Variants in ASCL5 observed in about 807,000 individuals in gnomAD.
ASCL5 encodes achaete-scute homolog 5.
For missense variants in ASCL5, 262 were observed against 268.9 expected, an observed-to-expected ratio of 0.97 and a Z score of 0.18; for synonymous variants, 124 against 131.5, an observed-to-expected ratio of 0.94 and a Z score of 0.39.
At chr1:201,124,680 G>A (rs971653554) in intron 1 of ASCL5, among the ~76,000 whole-genome samples, 6 of 152,236 alleles carry the variant, frequency 3.9e-5, no homozygotes, top group Non-Finnish European at 7.3e-5. Flanking sequence ...GACTGCAGCT[G>A]CAGGGCTGGA....
intron 1 of ASCL5, among the ~76,000 whole-genome samples, chr1:201,125,688 C>A (rs1663566457): frequency 6.6e-6 from 1 of 152,146 alleles, no homozygotes; most frequent in Non-Finnish European, 1.5e-5. Context: ...CCTTGAAGGG[C>A]AGGAACCTCA....
chr1:201,115,112 C>T lies in ASCL5; in HGVS notation c.261G>A (p.Lys87=). 8.1e-7 allele frequency: 1 copy of T among 1,231,782 alleles called. No homozygotes were observed. The highest frequency in any genetic ancestry group is 1.0e-6 in the Non-Finnish European group (1 of 988,016). 76.3% of individuals were successfully genotyped at this position (1,231,782 alleles called of 1,614,324 possible). The part of the protein sequence containing the change: ...EYPFEPAFIQ[K]RNERERQRVK... ...CTCGCTGCCTCTCGCGCTCGTTGCG[C>T]TTCTGGATGAAGGCTGGCTCGAAGG... The change falls in exon 2 of 2, where the codon AAG becomes AAA. Residue 87 remains lysine, a synonymous_variant. Coordinates refer to ENST00000449188, the MANE Select transcript of ASCL5 (RefSeq NM_001270601.2).
chr1:201,125,583 C>T (rs747552960), intron 1 of ASCL5, among the ~76,000 whole-genome samples: 3 of 152,104 alleles, frequency 2.0e-5, no homozygotes, highest in Admixed American at 1.3e-4. Context: ...AGCCTTGGTG[C>T]GTTGCTCTCA....
intron 1 of ASCL5, among the ~76,000 whole-genome samples, chr1:201,116,441 C>T (rs1310811971): frequency 6.6e-6 from 1 of 152,190 alleles, no homozygotes; most frequent in Non-Finnish European, 1.5e-5. Context: ...TCCCTGTGGT[C>T]TGGGATACAC....
chr1:201,123,278 G>A (rs567199008), intron 1 of ASCL5, among the ~76,000 whole-genome samples: 2 of 152,160 alleles, frequency 1.3e-5, no homozygotes, highest in South Asian at 2.1e-4. Context: ...GTGTTCTATC[G>A]CCTGTCAATC....
At chr1:201,117,810 G>T (rs1663376184) in intron 1 of ASCL5, among the ~76,000 whole-genome samples, 1 of 152,226 alleles carries the variant, frequency 6.6e-6, no homozygotes, top group Non-Finnish European at 1.5e-5. Context: ...CAACCAGAAT[G>T]TAAGCAGTCG....
intron 1 of ASCL5, among the ~76,000 whole-genome samples, chr1:201,116,892 T>C (rs1213492659): frequency 6.6e-6 from 1 of 152,150 alleles, no homozygotes; most frequent in Non-Finnish European, 1.5e-5. Context: ...GAGTGAGTGA[T>C]GGGCAGCATG....
chr1:201,122,939 A>C (rs146117516), intron 1 of ASCL5, among the ~76,000 whole-genome samples: 101 of 152,340 alleles, frequency 6.6e-4, no homozygotes, highest in African/African-American at 2.4e-3. Context: ...GTTACTGTAA[A>C]GACAAAGGTA....
chr1:201,115,083 T>G lies in ASCL5; in HGVS notation c.290A>C (p.Lys97Thr). 8.1e-7 allele frequency: 1 copy of G among 1,231,898 alleles called. No homozygotes were observed. Among genetic ancestry groups the G allele is most frequent in the Non-Finnish European group, 1.0e-6 (1 of 988,120 alleles). The allele number at this position is 1,231,898 out of a possible 1,614,324, so 76.3% of individuals were successfully genotyped here. A position where few individuals can be genotyped will look rare whatever the true frequency, so the allele number is the denominator to read the frequency against. Residue 97 changes from lysine (K) to threonine (T), a missense_variant, in exon 2 of 2, where the codon AAG becomes ACG. Lys to Thr is a moderately conservative substitution (Grantham distance 78). Coordinates refer to ENST00000449188, the MANE Select transcript of ASCL5 (RefSeq NM_001270601.2). Reference sequence around the variant, plus strand: ...GCGAGCGTAGCCCTCGTTGACGCACTTGACTCGCTGCCTCTCGCGCTCGTT... The same window carrying G: ...GCGAGCGTAGCCCTCGTTGACGCACGTGACTCGCTGCCTCTCGCGCTCGTT... The part of the protein sequence containing the change: ...KRNERERQRV[K>T]CVNEGYARLR...
chr1:201,121,797 C>T (rs1663468364), intron 1 of ASCL5, among the ~76,000 whole-genome samples: 1 of 151,680 alleles, frequency 6.6e-6, no homozygotes, highest in Admixed American at 6.6e-5. Flanking sequence ...CAGCACTGCA[C>T]CCAGCTGGGT....
At chr1:201,119,190 G>A (rs1277268564) in intron 1 of ASCL5, among the ~76,000 whole-genome samples, 1 of 152,192 alleles carries the variant, frequency 6.6e-6, no homozygotes, top group Admixed American at 6.5e-5. Flanking sequence ...CATCTTTTGG[G>A]AGGGTAGCAC....
chr1:201,124,458 C>A (rs998959937), intron 1 of ASCL5, among the ~76,000 whole-genome samples: 1 of 152,222 alleles, frequency 6.6e-6, no homozygotes, highest in Non-Finnish European at 1.5e-5. Flanking sequence ...CCCTGGGGCC[C>A]ATATTATTGC....
chr1:201,117,204 G>A (rs1663367285), intron 1 of ASCL5, among the ~76,000 whole-genome samples: 1 of 152,202 alleles, frequency 6.6e-6, no homozygotes, highest in Non-Finnish European at 1.5e-5. Flanking sequence ...GGGAGGCTGA[G>A]GTGGGCAGAT....
Position 201,114,071 on chromosome 1 carries a change from C to G in ASCL5, c.*681G>C, listed in dbSNP as rs1463802898. 2.0e-5 allele frequency: 3 copies of G among 152,236 alleles called. No individual in the cohort carries two copies. Among genetic ancestry groups the G allele is most frequent in the Non-Finnish European group, 4.4e-5 (3 of 68,086 alleles). 9.4% of individuals were successfully genotyped at this position (152,236 alleles called of 1,614,324 possible). A position where few individuals can be genotyped will look rare whatever the true frequency, so the allele number is the denominator to read the frequency against. On this transcript the variant is annotated 3_prime_UTR_variant, in exon 2 of 2. Transcript: ENST00000449188. The stretch of plus-strand genomic sequence containing the variant: ...AGGGAAAAAAACCACAGTCCCCACC[C>G]AACCTGGGACAAAACTAGACGACCT...
At chr1:201,119,470 C>G (rs1350139788) in intron 1 of ASCL5, among the ~76,000 whole-genome samples, 1 of 152,110 alleles carries the variant, frequency 6.6e-6, no homozygotes, top group African/African-American at 2.4e-5. Flanking sequence ...GCATCCCGAC[C>G]CCACGGGTGT....
Position 201,114,471 on chromosome 1 carries a change from C to T in ASCL5, c.*281G>A, listed in dbSNP as rs1663286659. 1.4e-5 allele frequency: 4 copies of T among 292,586 alleles called. No individual in the cohort carries two copies. In the Admixed American group the frequency reaches 1.6e-4, roughly 11 times the overall value. 18.1% of individuals were successfully genotyped at this position (292,586 alleles called of 1,614,324 possible). A position where few individuals can be genotyped will look rare whatever the true frequency, so the allele number is the denominator to read the frequency against. On this transcript the variant is annotated 3_prime_UTR_variant, in exon 2 of 2. Transcript: ENST00000449188. ...GACCGTCCTGGGGAGCCCCTCTGCA[C>T]CCCGGAGGGGACGCAGGACGCCCGG... is the stretch of plus-strand genomic sequence containing the variant.
chr1:201,118,300 C>A (rs1663386347), intron 1 of ASCL5, among the ~76,000 whole-genome samples: 1 of 151,978 alleles, frequency 6.6e-6, no homozygotes, highest in Admixed American at 6.6e-5. Context: ...AGCAACATGG[C>A]AAAACCCTGT....
chr1:201,114,461 C>T lies in ASCL5; in HGVS notation c.*291G>A, dbSNP rs1429207755. The stretch of plus-strand genomic sequence containing the variant: ...ACCCAGGGATGACCGTCCTGGGGAG[C>T]CCCTCTGCACCCCGGAGGGGACGCA... On this transcript the variant is annotated 3_prime_UTR_variant, in exon 2 of 2. Coordinates refer to ENST00000449188, the MANE Select transcript of ASCL5 (RefSeq NM_001270601.2). The T allele has an allele frequency of 7.2e-6, 2 of 276,936 alleles. No individual in the cohort carries two copies. The highest frequency in any genetic ancestry group is 1.3e-4 in the East Asian group (2 of 15,594). 17.2% of individuals were successfully genotyped at this position (276,936 alleles called of 1,614,324 possible).
intron 1 of ASCL5, among the ~76,000 whole-genome samples, chr1:201,124,902 C>T (rs1393839559): frequency 2.6e-5 from 4 of 152,146 alleles, no homozygotes; most frequent in African/African-American, 7.2e-5. Context: ...CTGCCCCCAC[C>T]CCAGTTTCCC....
Sources: gnomAD v4.1 joint callset for allele counts (sites outside exome capture counted in the v4.1 genomes callset) on GRCh38, gnomAD v4.1.1 for gene constraint, MANE v1.5 for transcripts, NCBI Gene and HGNC (gene_info 2026-07-23, HGNC 2026-07-21) for gene names.